The following LARGE1 variants were observed in gnomAD, a reference collection of about 807,000 sequenced individuals.
The protein encoded by LARGE1 is LARGE xylosyl- and glucuronyltransferase 1, also known as xylosyl- and glucuronyltransferase LARGE1.
In LARGE1, 43 loss-of-function variants were observed where a neutral mutation model predicts 87.6. The observed-to-expected ratio is 0.49, with a 90% confidence interval of 0.38 to 0.63. The LOEUF is 0.63. Among genes scored for constraint, LARGE1 ranks in the 30% least tolerant of loss-of-function variants. The pLI is 0.00. For synonymous variants in LARGE1, 434 were observed against 394.6 expected (o/e 1.10, Z -1.18); for missense variants, 802 against 1,000.2 (o/e 0.80, Z 2.67).
Position 33,863,755 on chromosome 22 carries a change from G to A in LARGE1, c.-83+56240C>T, listed in dbSNP as rs563513402. 1.8e-3 allele frequency among the ~76,000 whole-genome samples: 270 copies of A among 147,158 alleles called. 2 individuals carry two copies. Among genetic ancestry groups the A allele is most frequent in the Middle Eastern group, 3.4e-3 (1 of 292 alleles). On this transcript the variant is annotated intron_variant, in intron 1 of 14. Transcript: ENST00000397394. The stretch of plus-strand genomic sequence containing the variant: ...TGCACTCCAGCCTGGATGACAGAGC[G>A]AGACTCTGTCTCAGAAAAAAAAAAA...
chr22:33,921,469 A>C (rs2065949538), upstream of LARGE1, among the ~76,000 whole-genome samples: 1 of 151,506 alleles, frequency 6.6e-6, no homozygotes, highest in South Asian at 2.1e-4. The surrounding 1 kb of genome is among the most constrained non-coding windows in gnomAD (Gnocchi z 4.1). Context: ...TGCACAAAAC[A>C]GCCGTCGTGA....
chr22:33,521,446 C>T (rs531046407), intron 6 of LARGE1, among the ~76,000 whole-genome samples: 2 of 152,320 alleles, frequency 1.3e-5, no homozygotes, highest in African/African-American at 4.8e-5. Context: ...AACAGGCTAG[C>T]CCGGGTTTGT....
intron 2 of LARGE1, among the ~76,000 whole-genome samples, chr22:33,666,159 C>T (rs2081261568): frequency 6.6e-6 from 1 of 152,150 alleles, no homozygotes; most frequent in African/African-American, 2.4e-5. Context: ...CAACAAGATT[C>T]AGGAAAGTAA....
intron 11 of LARGE1, among the ~76,000 whole-genome samples, chr22:33,200,146 C>T (rs1198736142): frequency 6.6e-6 from 1 of 152,022 alleles, no homozygotes; most frequent in Non-Finnish European, 1.5e-5. Flanking sequence ...TGCGCCCAGC[C>T]GACACTCTTT....
intron 1 of LARGE1, among the ~76,000 whole-genome samples, chr22:33,767,406 AAAAT>A (rs1384794438): frequency 6.6e-6 from 1 of 150,424 alleles, no homozygotes; most frequent in Admixed American, 6.7e-5. Context: ...CAGACAGTAT[AAAAT>A]ATATATGCAT....
At chr22:33,424,911 G>A (rs1316535009) in intron 7 of LARGE1, among the ~76,000 whole-genome samples, 4 of 152,130 alleles carry the variant, frequency 2.6e-5, no homozygotes, top group Non-Finnish European at 5.9e-5. Flanking sequence ...TGGGGCCTTT[G>A]GGAAGTAATT....
intron 11 of LARGE1, among the ~76,000 whole-genome samples, chr22:33,241,910 C>T (rs1485359218): frequency 6.6e-6 from 1 of 151,962 alleles, no homozygotes; most frequent in Non-Finnish European, 1.5e-5. Flanking sequence ...TTCATTTAGA[C>T]AAGAGGAATC....
chr22:33,918,727 G>A (rs1042962217), intron 1 of LARGE1, among the ~76,000 whole-genome samples: 3 of 152,174 alleles, frequency 2.0e-5, no homozygotes, highest in East Asian at 1.9e-4. Flanking sequence ...GACTCCTGAG[G>A]TGGGAAGACA....
At chr22:33,299,896 G>T (rs1238249630) in intron 12 of LARGE1, among the ~76,000 whole-genome samples, 1 of 152,244 alleles carries the variant, frequency 6.6e-6, no homozygotes, top group Non-Finnish European at 1.5e-5. Flanking sequence ...GAAGGGGCTG[G>T]AAGGAGATTT....
Position 33,546,996 on chromosome 22 carries a change from C to G in LARGE1, c.787+17852G>C, listed in dbSNP as rs2077377536. Among the ~76,000 whole-genome samples, 4 of 152,206 alleles carry G rather than the reference C, an allele frequency of 2.6e-5. No individual in the cohort carries two copies. The South Asian group carries it at 8.3e-4, about 32-fold the overall frequency. On this transcript the variant is annotated intron_variant, in intron 6 of 14. Coordinates refer to ENST00000397394, the MANE Select transcript of LARGE1 (RefSeq NM_133642.5). Reference sequence around the variant, plus strand: ...ATAGTGGAGATGGTTGTAATCTTGGCTCTGCCACTTGCCAGTTAGAAGATT... The same window carrying G: ...ATAGTGGAGATGGTTGTAATCTTGGGTCTGCCACTTGCCAGTTAGAAGATT...
At chr22:33,077,465 T>C in the LARGE1 span, among the ~76,000 whole-genome samples, 2 of 152,206 alleles carry the variant, frequency 1.3e-5, no homozygotes, top group East Asian at 3.8e-4. Flanking sequence ...TGCTTCTTAA[T>C]ATTTGGATTC....
intron 3 of LARGE1, among the ~76,000 whole-genome samples, chr22:33,649,597 T>C (rs570340811): frequency 1.3e-4 from 20 of 152,312 alleles, no homozygotes; most frequent in Admixed American, 4.6e-4. Context: ...ACAGAAGTTA[T>C]GCAACTGGAT....
At chr22:33,475,116 C>A (rs2069015515) in intron 6 of LARGE1, among the ~76,000 whole-genome samples, 3 of 152,106 alleles carry the variant, frequency 2.0e-5, no homozygotes, top group Admixed American at 6.5e-5. Context: ...GGAACAGAGT[C>A]TTTGTGTTTA....
chr22:33,631,445 ATTAT>A (rs928977910), intron 3 of LARGE1, among the ~76,000 whole-genome samples: 4 of 152,238 alleles, frequency 2.6e-5, no homozygotes, highest in African/African-American at 9.6e-5. Context: ...TGTTTTAAAA[ATTAT>A]TTATTTTTAA....
intron 6 of LARGE1, among the ~76,000 whole-genome samples, chr22:33,473,162 ATCTC>A (rs772121333): frequency 7.3e-5 from 11 of 151,364 alleles, no homozygotes; most frequent in South Asian, 2.1e-4. Flanking sequence ...ACTTTTTCAT[ATCTC>A]TCTTTTTTTT....
At chr22:33,689,650 T>C (rs1156828066) in intron 2 of LARGE1, among the ~76,000 whole-genome samples, 1 of 152,018 alleles carries the variant, frequency 6.6e-6, no homozygotes, top group African/African-American at 2.4e-5. Flanking sequence ...AGAATTAAAA[T>C]GGACAGAAGG....
intron 6 of LARGE1, among the ~76,000 whole-genome samples, chr22:33,476,225 G>A (rs185232085): frequency 3.3e-5 from 5 of 152,270 alleles, no homozygotes; most frequent in East Asian, 1.9e-4. Flanking sequence ...TGAGACAAAC[G>A]CATACCTGGA....
chr22:33,346,494 G>A (rs1939778890), intron 9 of LARGE1, among the ~76,000 whole-genome samples: 1 of 152,102 alleles, frequency 6.6e-6, no homozygotes, highest in Admixed American at 6.6e-5. Context: ...GTAGAGACGA[G>A]GTTTCGCCAT....
chr22:33,451,482 A>C (rs372904177), intron 6 of LARGE1, among the ~76,000 whole-genome samples: 1 of 151,638 alleles, frequency 6.6e-6, no homozygotes, highest in African/African-American at 2.4e-5. Flanking sequence ...ACTGTACCCA[A>C]TGTACAGTCT....
Sources: gnomAD v4.1 joint callset for allele counts (sites outside exome capture counted in the v4.1 genomes callset) on GRCh38, gnomAD v4.1.1 for gene constraint, Gnocchi (gnomAD v3.1) non-coding constraint, MANE v1.5 for transcripts, NCBI Gene and HGNC (gene_info 2026-07-23, HGNC 2026-07-21) for gene names.